The following NSD3 variants were observed in gnomAD, a reference collection of about 807,000 sequenced individuals.
NSD3 encodes the protein nuclear receptor binding SET domain protein 3, also known as histone-lysine N-methyltransferase NSD3.
NSD3 carries 24 observed loss-of-function variants against 160.8 expected under a neutral mutation model. The observed-to-expected ratio is 0.15, with a 90% CI of 0.11 to 0.21. NSD3 has a LOEUF of 0.21. Ranked by LOEUF, NSD3 falls within the 10% of genes least tolerant of loss-of-function variation. NSD3 has a pLI of 1.00. For synonymous variants in NSD3, 520 were observed against 600.0 expected, an observed-to-expected ratio of 0.87 and a Z score of 1.95; for missense variants, 1,157 against 1,735.9, an observed-to-expected ratio of 0.67 and a Z score of 5.93.
intron 11 of NSD3, among the ~76,000 whole-genome samples, chr8:38,315,160 A>T (rs1297813148): frequency 6.6e-6 from 1 of 152,226 alleles, no homozygotes; most frequent in Non-Finnish European, 1.5e-5. Flanking sequence ...TTTTGAATTT[A>T]AGAAAGTTTT....
At chr8:38,310,508 G>A (rs1293451421) in intron 12 of NSD3, among the ~76,000 whole-genome samples, 1 of 151,800 alleles carries the variant, frequency 6.6e-6, no homozygotes, top group Non-Finnish European at 1.5e-5. Flanking sequence ...AATATCTGTT[G>A]GAGTCCTTTT....
intron 1 of NSD3, among the ~76,000 whole-genome samples, chr8:38,370,557 T>C (rs2150394975): frequency 6.6e-6 from 1 of 152,278 alleles, no homozygotes; most frequent in South Asian, 2.1e-4. Context: ...CTTTCTAAAA[T>C]CTCTCTCAAA....
intron 1 of NSD3, among the ~76,000 whole-genome samples, chr8:38,358,584 A>G (rs1254826524): frequency 1.3e-5 from 2 of 152,202 alleles, no homozygotes; most frequent in Non-Finnish European, 2.9e-5. Flanking sequence ...TAATGTTAAA[A>G]AACTAGAGGG....
intron 20 of NSD3, 132 bp from the exon 21 acceptor site, chr8:38,279,813 T>A: frequency 3.2e-6 from 3 of 931,286 alleles, no homozygotes; most frequent in Non-Finnish European, 3.1e-6. Context: ...TCAGGAAATG[T>A]GAGGCTGCCT....
rs1248912365 is a variant in NSD3, at chr8:38,317,166, G to A, written c.1856-1124C>T. 15 of 1,063,128 alleles carry A rather than the reference G, an allele frequency of 1.4e-5. No individual in the cohort carries two copies. Among genetic ancestry groups the A allele is most frequent in the African/African-American group, 1.6e-5 (1 of 60,938 alleles). 65.9% of individuals were successfully genotyped at this position (1,063,128 alleles called of 1,614,324 possible). On this transcript the variant is annotated intron_variant, in intron 9 of 23. Coordinates refer to ENST00000317025, the MANE Select transcript of NSD3 (RefSeq NM_023034.2). The surrounding 1 kb of genome is among the most constrained non-coding windows in gnomAD (Gnocchi z 5.3). ...AGAGTAGCACTTGGAACATAGCCACGTTCTGTGGTGGAGGAGGTGGGCCTC... is the reference window on the plus strand; with the variant it reads ...AGAGTAGCACTTGGAACATAGCCACATTCTGTGGTGGAGGAGGTGGGCCTC...
At chr8:38,341,364 C>T (rs1563361431) in intron 2 of NSD3, among the ~76,000 whole-genome samples, 1 of 151,798 alleles carries the variant, frequency 6.6e-6, no homozygotes, top group Non-Finnish European at 1.5e-5. Flanking sequence ...ATGGTGAAAC[C>T]CTGTCTCTAC....
chr8:38,317,730 T>C lies in NSD3; in HGVS notation c.1855+1165A>G. ...AATGGTGGTTTTTAGGCTGGACCCA[T>C]GATTTAAGCTGTACCCATCCAGCTC... is the stretch of plus-strand genomic sequence containing the variant. On this transcript the variant is annotated intron_variant, in intron 9 of 23. Transcript: ENST00000317025. The surrounding 1 kb of genome is among the most constrained non-coding windows in gnomAD (Gnocchi z 5.3). 1 of 1,368,766 alleles carries C rather than the reference T, an allele frequency of 7.3e-7. No individual in the cohort carries two copies. Among genetic ancestry groups the C allele is most frequent in the East Asian group, 2.8e-5 (1 of 35,584 alleles). 84.8% of individuals were successfully genotyped at this position (1,368,766 alleles called of 1,614,324 possible).
chr8:38,363,474 T>C (rs1811034746), intron 1 of NSD3, among the ~76,000 whole-genome samples: 1 of 151,702 alleles, frequency 6.6e-6, no homozygotes, highest in African/African-American at 2.4e-5. Context: ...GAGACTCTTG[T>C]CTGCTAAAAA....
At position 38,321,112 on chromosome 8, in the gene NSD3, G is replaced by T; in HGVS notation, c.1769C>A (p.Ser590Tyr). 1 of 1,613,388 alleles carries T rather than the reference G, an allele frequency of 6.2e-7. No individual in the cohort carries two copies. The highest frequency in any genetic ancestry group is 8.5e-7 in the Non-Finnish European group (1 of 1,179,852). ...CTTCTTCTTTGGCACAACCTCAGTG[G>T]ATTTCTCTGATTCAGAACGAGTTCT... ...SIRTRSESEKSTEVVPKKKIK... is the reference protein window; with the variant it reads ...SIRTRSESEKYTEVVPKKKIK... Residue 590 changes from serine to tyrosine, a missense_variant, in exon 8 of 24, where the codon TCC (serine) becomes TAC (tyrosine). Physicochemically the swap from Ser to Tyr is moderately radical, Grantham distance 144. Coordinates refer to ENST00000317025, the MANE Select transcript of NSD3 (RefSeq NM_023034.2). This position sits in a 1 kb window ranked among gnomAD's most constrained non-coding sequence, Gnocchi z 4.7.
intron 12 of NSD3, among the ~76,000 whole-genome samples, chr8:38,309,896 A>G (rs531335772): frequency 6.6e-6 from 1 of 152,328 alleles, no homozygotes; most frequent in South Asian, 2.1e-4. Flanking sequence ...ATCTTTTGTA[A>G]ACAAAGGAAA....
At chr8:38,276,609 T>C in intron 22 of NSD3, 109 bp from the exon 23 acceptor site, 1 of 1,209,426 alleles carries the variant, frequency 8.3e-7, no homozygotes, top group South Asian at 1.5e-5. Flanking sequence ...TGTTGTACAA[T>C]TACCTAAAAA....
At chr8:38,361,477 C>T (rs1482111074) in intron 1 of NSD3, among the ~76,000 whole-genome samples, 6 of 149,492 alleles carry the variant, frequency 4.0e-5, no homozygotes, top group Non-Finnish European at 7.4e-5. Context: ...AGAAAGGGGC[C>T]GGGCGCGGTG....
In NSD3 at chr8:38,326,771, G is replaced by C. The variant is rs149768452; in HGVS notation, c.1667C>G (p.Thr556Arg). The part of the protein sequence containing the change: ...STPNQRNEKP[T>R]QSVSSPEATS... Reference sequence around the variant, plus strand: ...TGCTTCAGGAGATGATACACTCTGCGTTGGCTTTTCATTTCTCTGGTTTGG... The same window carrying C: ...TGCTTCAGGAGATGATACACTCTGCCTTGGCTTTTCATTTCTCTGGTTTGG... The change falls in exon 7 of 24, where the codon ACG becomes AGG. Residue 556 changes from threonine (T) to arginine (R), a missense_variant. By Grantham distance (71) the Thr-to-Arg change is moderately conservative. Transcript: ENST00000317025. 6.2e-7 allele frequency: 1 copy of C among 1,613,980 alleles called. No individual in the cohort carries two copies. The highest frequency in any genetic ancestry group is 2.2e-5 in the East Asian group (1 of 44,858).
At chr8:38,366,349 C>T (rs1186626509) in intron 1 of NSD3, among the ~76,000 whole-genome samples, 1 of 151,394 alleles carries the variant, frequency 6.6e-6, no homozygotes, top group East Asian at 1.9e-4. Flanking sequence ...AACATCTAGC[C>T]CACAAAAACA....
At chr8:38,375,844 T>C (rs1388099706) in intron 1 of NSD3, among the ~76,000 whole-genome samples, 5 of 152,184 alleles carry the variant, frequency 3.3e-5, no homozygotes, top group Non-Finnish European at 7.4e-5. Context: ...CAGAATTGCA[T>C]TGAAAAACAG....
intron 12 of NSD3, among the ~76,000 whole-genome samples, chr8:38,310,860 C>T (rs1809517352): frequency 6.6e-6 from 1 of 151,916 alleles, no homozygotes; most frequent in African/African-American, 2.4e-5. Flanking sequence ...ATTGCTTGAC[C>T]ATTTGTTATT....
intron 1 of NSD3, among the ~76,000 whole-genome samples, chr8:38,355,821 A>G (rs1384164804): frequency 5.3e-5 from 8 of 152,216 alleles, no homozygotes; most frequent in Admixed American, 4.6e-4. Flanking sequence ...CATTTGTTAT[A>G]TTATTTTACT....
rs1395002289 is a variant in NSD3, at chr8:38,275,710, T to C, written c.4245A>G (p.Ser1415=). The change falls in exon 24 of 24, where the codon TCA becomes TCG. Residue 1415 remains serine, a synonymous_variant. Coordinates refer to ENST00000317025, the MANE Select transcript of NSD3 (RefSeq NM_023034.2). ...CSEHDPMAPV[S]PEYWSKIKCK... ...ATTTTATCTTGCTCCAGTATTCTGG[T>C]GACACAGGAGCCATGGGGTCATGTT... 6.2e-7 allele frequency: 1 copy of C among 1,614,226 alleles called. No homozygotes were observed. Among genetic ancestry groups the C allele is most frequent in the East Asian group, 2.2e-5 (1 of 44,890 alleles).
At position 38,318,938 on chromosome 8, in the gene NSD3, A is replaced by C; in HGVS notation, c.1812T>G (p.Val604=). The C allele has an allele frequency of 1.2e-6, 2 of 1,610,332 alleles. No individual in the cohort carries two copies. Among genetic ancestry groups the C allele is most frequent in the South Asian group, 2.2e-5 (2 of 90,350 alleles). Residue 604 remains valine, a splice_region_variant and synonymous_variant, in exon 9 of 24, where the codon GTT becomes GTG. Coordinates refer to ENST00000317025, the MANE Select transcript of NSD3 (RefSeq NM_023034.2). The surrounding 1 kb of genome is among the most constrained non-coding windows in gnomAD (Gnocchi z 5.3). ...TCACTGTAGCCTGAGGAACTGTTTC[A>C]ACCTGTTTGGACAGAAAAATACAGC... ...VPKKKIKKEQ[V]ETVPQATVKT...
Sources: gnomAD v4.1 joint callset for allele counts (sites outside exome capture counted in the v4.1 genomes callset) on GRCh38, gnomAD v4.1.1 for gene constraint, Gnocchi (gnomAD v3.1) non-coding constraint, MANE v1.5 for transcripts, NCBI Gene and HGNC (gene_info 2026-07-23, HGNC 2026-07-21) for gene names.